PRKACB: variants seen among roughly 807,000 people sequenced by gnomAD.
PRKACB encodes the protein protein kinase cAMP-activated catalytic subunit beta.
In PRKACB, 16 loss-of-function variants were observed where a neutral mutation model predicts 51.4. That is an observed-to-expected ratio of 0.31 (90% confidence interval 0.21 to 0.47). The LOEUF (loss-of-function observed/expected upper bound fraction) is 0.47. PRKACB is among the 20% of genes least tolerant of loss of function. The pLI is 1.00. For missense variants in PRKACB, 309 were observed against 464.5 expected, an observed-to-expected ratio of 0.67 and a Z score of 3.08; for synonymous variants, 147 against 154.4, an observed-to-expected ratio of 0.95 and a Z score of 0.35.
chr1:84,197,453 T>C lies in PRKACB; in HGVS notation c.688-276T>C, dbSNP rs539046099. On this transcript the variant is annotated intron_variant, in intron 6 of 9. Transcript: ENST00000370685. The stretch of plus-strand genomic sequence containing the variant: ...TTTTTACCTTTTATTTTCACTTTTT[T>C]ATTCCTTGGGTCTAGGATCTTATAA... Among the ~76,000 whole-genome samples, 142 of 152,270 alleles carry C rather than the reference T, an allele frequency of 9.3e-4. 2 individuals carry two copies. In the South Asian group the frequency reaches 0.027, roughly 28 times the overall value.
intron 1 of PRKACB, among the ~76,000 whole-genome samples, chr1:84,087,138 G>A (rs554596012): frequency 3.5e-4 from 54 of 152,348 alleles, no homozygotes; most frequent in African/African-American, 1.3e-3. Context: ...TAGTTGTGGT[G>A]TTTTGTGTAT....
chr1:84,164,605 A>T, intron 1 of PRKACB: 1 of 1,369,786 alleles, frequency 7.3e-7, no homozygotes, highest in Non-Finnish European at 9.6e-7. Flanking sequence ...AAGTGAACCG[A>T]TAATTCTGGT....
intron 1 of PRKACB, among the ~76,000 whole-genome samples, chr1:84,147,015 T>G (rs1654190402): frequency 6.6e-6 from 1 of 152,088 alleles, no homozygotes; most frequent in Non-Finnish European, 1.5e-5. Context: ...TGACATGCGT[T>G]AAGTTCTCTT....
At chr1:84,180,831 T>G (rs1663181273) in intron 2 of PRKACB, among the ~76,000 whole-genome samples, 1 of 151,976 alleles carries the variant, frequency 6.6e-6, no homozygotes, top group African/African-American at 2.4e-5. Flanking sequence ...TAACATATTT[T>G]TATAATACAA....
chr1:84,163,302 G>T (rs1656487608), intron 1 of PRKACB, among the ~76,000 whole-genome samples: 1 of 152,004 alleles, frequency 6.6e-6, no homozygotes, highest in Admixed American at 6.6e-5. Flanking sequence ...GGCAGACTGG[G>T]TGGCCTGGTG....
intron 8 of PRKACB, among the ~76,000 whole-genome samples, chr1:84,213,841 G>A (rs1285223171): frequency 6.6e-6 from 1 of 152,124 alleles, no homozygotes; most frequent in African/African-American, 2.4e-5. Flanking sequence ...CTTAAAGATA[G>A]GTGAACTTTC....
At chr1:84,146,174 A>G (rs372721982) in intron 1 of PRKACB, among the ~76,000 whole-genome samples, 96 of 151,978 alleles carry the variant, frequency 6.3e-4, no homozygotes, top group African/African-American at 2.2e-3. Flanking sequence ...GTCAAAACAA[A>G]TAGGATTCTT....
intron 1 of PRKACB, among the ~76,000 whole-genome samples, chr1:84,132,374 A>C (rs1571721855): frequency 6.6e-6 from 1 of 152,196 alleles, no homozygotes; most frequent in Non-Finnish European, 1.5e-5. Context: ...TCTGACATCT[A>C]TAGCAAACAT....
intron 1 of PRKACB, among the ~76,000 whole-genome samples, chr1:84,105,376 C>T (rs1649655362): frequency 6.6e-6 from 1 of 152,058 alleles, no homozygotes; most frequent in Non-Finnish European, 1.5e-5. Flanking sequence ...GGCACCACGA[C>T]TTTTGACCTA....
chr1:84,181,310 A>G (rs895269434), intron 2 of PRKACB, among the ~76,000 whole-genome samples: 4 of 151,944 alleles, frequency 2.6e-5, no homozygotes, highest in Non-Finnish European at 5.9e-5. Flanking sequence ...TTTTTCTGAT[A>G]TTTTCATGGA....
In PRKACB at chr1:84,193,739, C is replaced by T. The variant is rs141260813; in HGVS notation, c.561-2877C>T. 2.5e-3 allele frequency among the ~76,000 whole-genome samples: 382 copies of T among 152,240 alleles called. 2 individuals are homozygous for T. Among genetic ancestry groups the T allele is most frequent in the African/African-American group, 8.6e-3 (359 of 41,548 alleles). ...GAAAATTTAATTCTTGGAGCAGGTG[C>T]TGGGTGCTCTGAGTGCTTTATTGCC... On this transcript the variant is annotated intron_variant, in intron 5 of 9. Coordinates refer to ENST00000370685, the MANE Select transcript of PRKACB (RefSeq NM_182948.4).
At chr1:84,084,690 A>G (rs1219130027) in intron 1 of PRKACB, among the ~76,000 whole-genome samples, 1 of 152,144 alleles carries the variant, frequency 6.6e-6, no homozygotes, top group Non-Finnish European at 1.5e-5. Context: ...GAAATGAGGA[A>G]AAGGAGGATT....
At chr1:84,122,744 G>A (rs1192035059) in intron 1 of PRKACB, among the ~76,000 whole-genome samples, 1 of 152,018 alleles carries the variant, frequency 6.6e-6, no homozygotes, top group Non-Finnish European at 1.5e-5. Context: ...ATTTTTTCAT[G>A]GGTTGTATAA....
At chr1:84,099,065 G>A (rs115391955) in intron 1 of PRKACB, among the ~76,000 whole-genome samples, 1,740 of 152,124 alleles carry the variant, frequency 0.011, 42 homozygotes, top group African/African-American at 0.04. Flanking sequence ...ACAGGGTAGG[G>A]TGGGAATGTA....
intron 9 of PRKACB, among the ~76,000 whole-genome samples, chr1:84,215,142 A>C (rs115208535): frequency 6.6e-6 from 1 of 152,242 alleles, no homozygotes; most frequent in Non-Finnish European, 1.5e-5. Flanking sequence ...AACATAATTC[A>C]TACAAATTAG....
At chr1:84,128,918 A>T (rs2100545773) in intron 1 of PRKACB, among the ~76,000 whole-genome samples, 1 of 152,358 alleles carries the variant, frequency 6.6e-6, no homozygotes, top group East Asian at 1.9e-4. Context: ...ATCATGGCTC[A>T]TGTGACTGAG....
At chr1:84,133,246 G>GA (rs1001406685) in intron 1 of PRKACB, among the ~76,000 whole-genome samples, 4 of 151,314 alleles carry the variant, frequency 2.6e-5, no homozygotes, top group East Asian at 1.9e-4. Flanking sequence ...AAAGTTGAAA[G>GA]AAAAAAAATA....
At chr1:84,220,597 T>G (rs1441623460) in intron 9 of PRKACB, among the ~76,000 whole-genome samples, 1 of 152,208 alleles carries the variant, frequency 6.6e-6, no homozygotes, top group Non-Finnish European at 1.5e-5. Flanking sequence ...ACCTTTATTA[T>G]GTTGAGTAAT....
intron 1 of PRKACB, among the ~76,000 whole-genome samples, chr1:84,118,027 G>A (rs1650768658): frequency 6.6e-6 from 1 of 152,146 alleles, no homozygotes. Context: ...CTTGTCTGAT[G>A]CAATGCCTTC....
Sources: allele counts gnomAD v4.1 joint callset (sites outside exome capture counted in the v4.1 genomes callset), GRCh38; gene constraint gnomAD v4.1.1; transcripts MANE v1.5; gene names NCBI Gene and HGNC (gene_info 2026-07-23, HGNC 2026-07-21).